TDRD9: variants seen among roughly 807,000 people sequenced by gnomAD.
The protein encoded by TDRD9 is tudor domain containing 9.
In TDRD9, 124 loss-of-function variants were observed where a neutral mutation model predicts 172.6. The ratio of observed to expected loss-of-function variants is 0.72; its 90% CI spans 0.62 to 0.83. TDRD9 has a LOEUF of 0.83. TDRD9 is among the 40% of genes least tolerant of loss of function. TDRD9 has a pLI of 0.00. For synonymous variants in TDRD9, 619 were observed against 617.1 expected, an observed-to-expected ratio of 1.00 and a Z score of -0.05; for missense variants, 1,479 against 1,714.1, an observed-to-expected ratio of 0.86 and a Z score of 2.42.
chr14:104,026,168 C>A, intron 27 of TDRD9, 32 bp downstream of exon 27: 2 of 1,403,708 alleles, frequency 1.4e-6, no homozygotes, highest in Non-Finnish European at 2.0e-6. Flanking sequence ...GGAATGAATG[C>A]TGCATGCTGG....
intron 33 of TDRD9, among the ~76,000 whole-genome samples, chr14:104,041,115 AAGG>A (rs1424300184): frequency 2.0e-5 from 3 of 152,178 alleles, no homozygotes; most frequent in Non-Finnish European, 2.9e-5. Flanking sequence ...GGCCGGGGGA[AAGG>A]AGGAGCTGCA....
intron 1 of TDRD9, among the ~76,000 whole-genome samples, chr14:103,931,647 G>T (rs920707211): frequency 6.6e-5 from 10 of 152,152 alleles, no homozygotes; most frequent in African/African-American, 2.4e-4. Flanking sequence ...GCAAATGGTG[G>T]TGATGGGAAG....
At chr14:103,962,844 G>A (rs1486662557) in intron 2 of TDRD9, among the ~76,000 whole-genome samples, 1 of 152,152 alleles carries the variant, frequency 6.6e-6, no homozygotes, top group Non-Finnish European at 1.5e-5. Context: ...TTATTCCATG[G>A]TGTATATGTA....
intron 2 of TDRD9, among the ~76,000 whole-genome samples, chr14:103,958,630 G>A (rs1358076839): frequency 2.0e-5 from 3 of 152,200 alleles, no homozygotes; most frequent in Non-Finnish European, 4.4e-5. Context: ...AGAAGTCATA[G>A]GTTGGAGTGA....
At chr14:104,007,046 A>C in intron 18 of TDRD9, 114 bp from the exon 19 acceptor site, 1 of 1,189,998 alleles carries the variant, frequency 8.4e-7, no homozygotes, top group Admixed American at 2.6e-5. Context: ...TTGATTGAAA[A>C]AATTAAATTT....
chr14:103,989,370 C>T (rs1392029346), intron 8 of TDRD9, among the ~76,000 whole-genome samples: 1 of 152,162 alleles, frequency 6.6e-6, no homozygotes, highest in Non-Finnish European at 1.5e-5. Flanking sequence ...GCATTTTCAT[C>T]TTTCTTTTAA....
In TDRD9 at chr14:103,986,215, A is replaced by C; in HGVS notation, c.1012-2A>C. On this transcript the variant is annotated splice_acceptor_variant, in intron 7 of 35. Transcript: ENST00000409874. LOFTEE classifies it high-confidence loss of function. The stretch of plus-strand genomic sequence containing the variant: ...GCGACTTTTTTCTTTCACTGTTTTT[A>C]GCTCTCTCCTCATCTCCTGGAGGAA... 6.2e-7 allele frequency: 1 copy of C among 1,611,106 alleles called. No homozygotes were observed. Among genetic ancestry groups the C allele is most frequent in the Non-Finnish European group, 8.5e-7 (1 of 1,178,598 alleles).
At chr14:103,977,670 T>A (rs558632279) in intron 7 of TDRD9, among the ~76,000 whole-genome samples, 1 of 151,226 alleles carries the variant, frequency 6.6e-6, no homozygotes, top group Non-Finnish European at 1.5e-5. Flanking sequence ...CTTGTTAGTT[T>A]GATATAATCC....
chr14:103,976,273 T>G (rs2033237471), intron 7 of TDRD9, among the ~76,000 whole-genome samples: 1 of 152,118 alleles, frequency 6.6e-6, no homozygotes, highest in Admixed American at 6.5e-5. Flanking sequence ...TTCATCTCTT[T>G]TTTTTCTTTT....
intron 28 of TDRD9, 151 bp from the exon 29 acceptor site, chr14:104,030,957 A>T: frequency 2.9e-6 from 2 of 700,110 alleles, no homozygotes; most frequent in Admixed American, 3.0e-5. Flanking sequence ...GTGCACATGT[A>T]CCCTAAAACT....
intron 27 of TDRD9, 67 bp downstream of exon 27, chr14:104,026,203 G>A: frequency 9.2e-7 from 1 of 1,090,152 alleles, no homozygotes; most frequent in South Asian, 1.3e-5. Flanking sequence ...TGGATTCCTG[G>A]GTCATATGGT....
At chr14:103,967,009 CA>C (rs1450538336) in intron 5 of TDRD9, among the ~76,000 whole-genome samples, 178 bp downstream of exon 5, 1 of 152,104 alleles carries the variant, frequency 6.6e-6, no homozygotes, top group Non-Finnish European at 1.5e-5. Flanking sequence ...ATATTTTAAA[CA>C]TGAGTTTTTT....
intron 6 of TDRD9, among the ~76,000 whole-genome samples, chr14:103,970,995 T>C (rs570263982): frequency 2.2e-4 from 34 of 152,266 alleles, no homozygotes; most frequent in Non-Finnish European, 3.8e-4. Flanking sequence ...CTGTATTTTT[T>C]TTTTTTGAGA....
intron 1 of TDRD9, among the ~76,000 whole-genome samples, chr14:103,947,575 C>T (rs1239521451): frequency 6.6e-6 from 1 of 152,138 alleles, no homozygotes; most frequent in Non-Finnish European, 1.5e-5. Flanking sequence ...GATCCACCCG[C>T]CTTGGCCTCC....
At chr14:104,015,127 A>G (rs950956364) in intron 21 of TDRD9, among the ~76,000 whole-genome samples, 4 of 152,162 alleles carry the variant, frequency 2.6e-5, no homozygotes, top group African/African-American at 9.7e-5. Context: ...TCTATAGAGT[A>G]CCTGTGTTAT....
chr14:103,952,303 C>T (rs1228533140), intron 1 of TDRD9, among the ~76,000 whole-genome samples: 1 of 119,100 alleles, frequency 8.4e-6, no homozygotes, highest in African/African-American at 3.3e-5. Context: ...TGCAGTGGTG[C>T]GATCTCAGCT....
intron 1 of TDRD9, among the ~76,000 whole-genome samples, chr14:103,937,869 A>ATTT (rs2030877082): frequency 7.6e-6 from 1 of 130,756 alleles, no homozygotes. Context: ...TTTTTTTTTA[A>ATTT]TTTTCTTTTT....
intron 30 of TDRD9, 50 bp from the exon 31 acceptor site, chr14:104,033,910 G>A (rs1053826785): frequency 8.2e-7 from 1 of 1,213,202 alleles, no homozygotes; most frequent in African/African-American, 1.5e-5. Context: ...ATAGCACATT[G>A]CCTGGTTAGT....
At chr14:103,966,883 C>A in intron 5 of TDRD9, 52 bp downstream of exon 5, 1 of 1,492,582 alleles carries the variant, frequency 6.7e-7, no homozygotes, top group Middle Eastern at 2.1e-4. Flanking sequence ...CTTAAAAAAA[C>A]TCTCAGAGTA....
Sources: gnomAD v4.1 joint callset for allele counts (sites outside exome capture counted in the v4.1 genomes callset) on GRCh38, gnomAD v4.1.1 for gene constraint, MANE v1.5 for transcripts, NCBI Gene and HGNC (gene_info 2026-07-23, HGNC 2026-07-21) for gene names.